TMEM50B: variants seen among roughly 807,000 people sequenced by gnomAD.
The protein encoded by TMEM50B is HCV p7-trans-regulated protein 3.
Under a neutral mutation model 23.4 loss-of-function variants are expected in TMEM50B, and 14 were observed. That is an observed-to-expected ratio of 0.60 (90% CI 0.39 to 0.93). The LOEUF (loss-of-function observed/expected upper bound fraction) is 0.93, where lower values mean the gene tolerates loss of function less well. Among genes scored for constraint, TMEM50B ranks in the 40% least tolerant of loss-of-function variants. The probability of loss-of-function intolerance (pLI) is 0.00; values close to 1 mark genes in which losing one functional copy is unlikely to be tolerated. For synonymous variants in TMEM50B, 64 were observed against 62.3 expected (o/e 1.03, Z -0.13); for missense variants, 159 against 193.0 (o/e 0.82, Z 1.04).
chr21:33,470,103 A>AT (rs1362263048), intron 1 of TMEM50B, among the ~76,000 whole-genome samples: 1 of 120,148 alleles, frequency 8.3e-6, no homozygotes, highest in Non-Finnish European at 2.1e-5. Flanking sequence ...CTAGAAAGAA[A>AT]TAAAAAAAAA....
chr21:33,447,709 CACACACACACATAT>C (rs1017366544), downstream of TMEM50B, among the ~76,000 whole-genome samples: 55 of 108,882 alleles, frequency 5.1e-4, no homozygotes, highest in African/African-American at 1.3e-3. Flanking sequence ...CACACACACA[CACACACACACATAT>C]ATATATATAC....
rs2084032182 is a variant in TMEM50B at position 33,444,137 on chromosome 21, G to A, written c.*2036+4645C>T. ...GCTGGTCTTGAACTCCTGACCTCCG[G>A]TGATCCGCCCACCTTGGCCTCCCAA... On this transcript the variant is annotated intron_variant and NMD_transcript_variant, in intron 7 of 8. Coordinates refer to the TMEM50B transcript ENST00000420455. 2.0e-5 allele frequency among the ~76,000 whole-genome samples: 3 copies of A among 151,702 alleles called. No individual in the cohort carries two copies. The Admixed American group carries it at 2.0e-4, about 10-fold the overall frequency.
chr21:33,457,286 A>C (rs2084177708), intron 5 of TMEM50B, among the ~76,000 whole-genome samples: 1 of 152,086 alleles, frequency 6.6e-6, no homozygotes, highest in Non-Finnish European at 1.5e-5. Context: ...TAAATGAGTA[A>C]TGCTGTTGAA....
At chr21:33,474,972 G>A (rs1468854657) in intron 1 of TMEM50B, among the ~76,000 whole-genome samples, 2 of 150,728 alleles carry the variant, frequency 1.3e-5, no homozygotes, top group African/African-American at 2.4e-5. Flanking sequence ...TGTCACCCAG[G>A]ATGGAGTGCA....
At chr21:33,462,394 T>C (rs1012531740) in intron 4 of TMEM50B, among the ~76,000 whole-genome samples, 2 of 152,174 alleles carry the variant, frequency 1.3e-5, no homozygotes, top group East Asian at 1.9e-4. Context: ...GAATAAAATA[T>C]AATAATCACT....
chr21:33,465,840 T>C (rs1268131285), intron 3 of TMEM50B, among the ~76,000 whole-genome samples: 1 of 131,824 alleles, frequency 7.6e-6, no homozygotes, highest in African/African-American at 3.3e-5. Context: ...TTATGTATAA[T>C]ATGCCCACTT....
intron 3 of TMEM50B, among the ~76,000 whole-genome samples, chr21:33,466,211 A>C (rs552867244): frequency 2.6e-5 from 4 of 152,352 alleles, no homozygotes; most frequent in African/African-American, 9.6e-5. Flanking sequence ...CAGTGAGCCA[A>C]GATCACACCA....
chr21:33,479,233 T>G (rs1275290045), intron 1 of TMEM50B: 1 of 162,708 alleles, frequency 6.1e-6, no homozygotes, highest in East Asian at 1.8e-4. Context: ...CTGCTACTTA[T>G]TTAACGGAGC....
In TMEM50B at chr21:33,465,344, G is replaced by C. The variant is rs2084255751; in HGVS notation, c.278C>G (p.Thr93Arg). ...DSYESGCLGR[T>R]GARVWLFIGF... is the part of the protein sequence containing the mutation. ...TTAACAGCTCAAAGTATCTTTACCT[G>C]TTCTTCCTAAACAGCCGCTTTCATA... The change falls in exon 4 of 7, where the codon ACA (threonine) becomes AGA (arginine). Residue 93 changes from threonine to arginine, a missense_variant and splice_region_variant. By Grantham distance (71) the Thr-to-Arg change is moderately conservative. Transcript: ENST00000542230. 1.2e-6 allele frequency: 2 copies of C among 1,612,712 alleles called. No individual in the cohort carries two copies. The highest frequency in any genetic ancestry group is 4.5e-5 in the East Asian group (2 of 44,794).
intron 8 of TMEM50B, chr21:33,439,110 A>G (rs1441878266): frequency 6.6e-6 from 1 of 152,258 alleles, no homozygotes. Context: ...CTCCCACCCC[A>G]TGCACACAAG....
At chr21:33,473,554 T>C (rs2084338385) in intron 1 of TMEM50B, among the ~76,000 whole-genome samples, 1 of 151,340 alleles carries the variant, frequency 6.6e-6, no homozygotes, top group Admixed American at 6.6e-5. Context: ...TGTGCACTTG[T>C]AGTCTCAGCT....
chr21:33,455,830 G>T (rs773172803), intron 5 of TMEM50B, 46 bp from the exon 6 acceptor site: 1 of 1,390,970 alleles, frequency 7.2e-7, no homozygotes, highest in Admixed American at 1.7e-5. Flanking sequence ...ATAGGCAAAC[G>T]GCAGTAATAA....
chr21:33,452,704 C>G (rs2084133003), intron 6 of TMEM50B, among the ~76,000 whole-genome samples: 1 of 152,118 alleles, frequency 6.6e-6, no homozygotes, highest in African/African-American at 2.4e-5. Flanking sequence ...AACTGCATCC[C>G]AAAACAAAGC....
At chr21:33,445,097 A>C (rs1275501968), downstream of TMEM50B, among the ~76,000 whole-genome samples, 2 of 151,764 alleles carry the variant, frequency 1.3e-5, no homozygotes, top group East Asian at 1.9e-4. Context: ...AAAAAAAAAA[A>C]AAAACCAGAA....
chr21:33,433,857 C>T (rs904023952), intron 8 of TMEM50B, among the ~76,000 whole-genome samples: 15 of 151,748 alleles, frequency 9.9e-5, no homozygotes, highest in South Asian at 2.1e-4. Context: ...CTGCAGTAGA[C>T]CCCTCTCCGA....
In TMEM50B at chr21:33,450,674, T is replaced by G. The variant is rs573379799; in HGVS notation, c.*144A>C. On this transcript the variant is annotated 3_prime_UTR_variant, in exon 7 of 7. Coordinates refer to ENST00000542230, the MANE Select transcript of TMEM50B (RefSeq NM_006134.7). Reference sequence around the variant, plus strand: ...GAAAAATAAAGAAATTTCATAAAACTATTTCAAAACTCAGAACATAAAAAT... The same window carrying G: ...GAAAAATAAAGAAATTTCATAAAACGATTTCAAAACTCAGAACATAAAAAT... 180 of 611,546 alleles carry G rather than the reference T, an allele frequency of 2.9e-4. 4 individuals carry two copies. The South Asian group carries it at 3.7e-3, about 13-fold the overall frequency. The allele number at this position is 611,546 out of a possible 1,614,324, so 37.9% of individuals were successfully genotyped here. A position where few individuals can be genotyped will look rare whatever the true frequency, so the allele number is the denominator to read the frequency against.
chr21:33,436,876 A>C, intron 8 of TMEM50B: 6 of 1,614,030 alleles, frequency 3.7e-6, no homozygotes, highest in Non-Finnish European at 4.2e-6. Context: ...GGACAAGGAC[A>C]GCTCACCAAA....
chr21:33,433,222 C>G (rs2083907711), intron 8 of TMEM50B, among the ~76,000 whole-genome samples: 1 of 152,146 alleles, frequency 6.6e-6, no homozygotes. Flanking sequence ...CAGGGCCCCA[C>G]TGCCCCTGGC....
intron 7 of TMEM50B, among the ~76,000 whole-genome samples, chr21:33,442,719 G>T (rs1302718820): frequency 6.6e-6 from 1 of 152,022 alleles, no homozygotes; most frequent in Non-Finnish European, 1.5e-5. Context: ...TCAGGAGTTC[G>T]ACACCAGCCT....
Sources: gnomAD v4.1 joint callset for allele counts (sites outside exome capture counted in the v4.1 genomes callset) on GRCh38, gnomAD v4.1.1 for gene constraint, MANE v1.5 for transcripts, NCBI Gene and HGNC (gene_info 2026-07-23, HGNC 2026-07-21) for gene names.